WDR88: variants seen among roughly 807,000 people sequenced by gnomAD.
WDR88 encodes WD repeat domain 88.
WDR88 carries 40 observed loss-of-function variants against 46.8 expected under a neutral mutation model. That is an observed-to-expected ratio of 0.86 (90% confidence interval 0.66 to 1.11). The LOEUF (loss-of-function observed/expected upper bound fraction) is 1.11. WDR88 is among the 50% of genes most tolerant of loss of function. The probability of loss-of-function intolerance (pLI) is 0.00; values close to 1 mark genes in which losing one functional copy is unlikely to be tolerated. For missense variants in WDR88, 562 were observed against 602.4 expected, an observed-to-expected ratio of 0.93 and a Z score of 0.70; for synonymous variants, 235 against 240.7, an observed-to-expected ratio of 0.98 and a Z score of 0.22.
chr19:33,137,570 T>G (rs1599879305), intron 1 of WDR88, 107 bp from the exon 2 acceptor site: 1 of 1,050,648 alleles, frequency 9.5e-7, no homozygotes, highest in East Asian at 2.6e-5. Flanking sequence ...TTAAATTCAT[T>G]TTTTTCCGGG....
At chr19:33,162,550 C>T (rs572338961) in intron 8 of WDR88, among the ~76,000 whole-genome samples, 1 of 152,074 alleles carries the variant, frequency 6.6e-6, no homozygotes, top group Non-Finnish European at 1.5e-5. Flanking sequence ...AAACACCCCA[C>T]TCCTTCTCTG....
intron 4 of WDR88, 27 bp from the exon 5 acceptor site, chr19:33,148,745 A>C: frequency 6.2e-7 from 1 of 1,613,964 alleles, no homozygotes; most frequent in Non-Finnish European, 8.5e-7. Flanking sequence ...GGCTTAAAAC[A>C]ACCTTTTGAT....
In WDR88 at chr19:33,137,546, CT is replaced by C. The variant is rs1350649182; in HGVS notation, c.277-130del. ...GGGATTACAGACGTGAACCACCCCC[CT>C]GGCCAGAATTTTTTAAATTCATTTT... On this transcript the variant is annotated intron_variant, in intron 1 of 10. Transcript: ENST00000355868. 5 of 790,924 alleles carry C rather than the reference CT, an allele frequency of 6.3e-6. No individual in the cohort carries two copies. In the East Asian group the frequency reaches 1.2e-4, roughly 19 times the overall value. 49.0% of individuals were successfully genotyped at this position (790,924 alleles called of 1,614,324 possible).
Position 33,137,377 on chromosome 19 carries a change from C to T in WDR88, c.277-300C>T, listed in dbSNP as rs974580885. 4.6e-5 allele frequency among the ~76,000 whole-genome samples: 7 copies of T among 151,862 alleles called. No individual in the cohort carries two copies. The East Asian group carries it at 5.8e-4, about 13-fold the overall frequency. On this transcript the variant is annotated intron_variant, in intron 1 of 10. Coordinates refer to ENST00000355868, the MANE Select transcript of WDR88 (RefSeq NM_173479.4). ...CAAGTGATTCTCCTGCCTCAGCCTC[C>T]GAGTAGCTGGGATTATAGGCATGCG...
At chr19:33,132,656 C>T (rs865848699) in intron 1 of WDR88, among the ~76,000 whole-genome samples, 23 of 152,338 alleles carry the variant, frequency 1.5e-4, no homozygotes, top group Middle Eastern at 6.8e-3. Context: ...CGGGGGCTCC[C>T]CGCACTGCCA....
rs757943548 is a variant in WDR88, at chr19:33,175,586, C to A, written c.*14C>A. On this transcript the variant is annotated 3_prime_UTR_variant, in exon 11 of 11. Transcript: ENST00000355868. ...AAGGATGACTGACAGCCACAGGCCC[C>A]TTTGAGTGACTCCAGCACAGGCTAC... 5.0e-6 allele frequency: 8 copies of A among 1,613,752 alleles called. No homozygotes were observed. In the Admixed American group the frequency reaches 6.7e-5, roughly 13 times the overall value.
At chr19:33,156,656 C>A in intron 7 of WDR88, 114 bp downstream of exon 7, 2 of 1,224,700 alleles carry the variant, frequency 1.6e-6, no homozygotes, top group South Asian at 1.6e-5. Context: ...ACAGGGAGGG[C>A]GGATTCTTCC....
Position 33,148,882 on chromosome 19 carries a change from G to T in WDR88, c.651G>T (p.Glu217Asp), listed in dbSNP as rs574958369. 1.2e-6 allele frequency: 2 copies of T among 1,614,142 alleles called. No individual in the cohort carries two copies. Among genetic ancestry groups the T allele is most frequent in the African/African-American group, 2.7e-5 (2 of 75,036 alleles). Residue 217 changes from glutamate (E) to aspartate (D), a missense_variant, in exon 5 of 11, where the codon GAG (glutamate) becomes GAT (aspartate). Transcript: ENST00000355868. ...ATGGAATCTGCATAATGGACGCCGA[G>T]AACATCACCACCGTTTCCGTCATCA... ...VDHGICIMDAENITTVSVIKD... is the reference protein window; with the variant it reads ...VDHGICIMDADNITTVSVIKD...
intron 6 of WDR88, among the ~76,000 whole-genome samples, chr19:33,153,487 G>GAT (rs1973675110): frequency 6.6e-6 from 1 of 152,054 alleles, no homozygotes; most frequent in Non-Finnish European, 1.5e-5. Context: ...AACTGAAAAT[G>GAT]ATATAGCCCG....
chr19:33,151,367 A>C (rs12327849), intron 6 of WDR88, 57 bp downstream of exon 6: 638,750 of 1,571,936 alleles, frequency 0.41, 153,454 homozygotes, highest in African/African-American at 0.89. Flanking sequence ...CCCATTCATG[A>C]CTTCCTGAAT....
At chr19:33,150,644 C>T (rs900440690) in intron 5 of WDR88, among the ~76,000 whole-genome samples, 3 of 152,204 alleles carry the variant, frequency 2.0e-5, no homozygotes, top group South Asian at 2.1e-4. Flanking sequence ...TTCTTTTTAT[C>T]GATGTGGCAC....
intron 6 of WDR88, among the ~76,000 whole-genome samples, chr19:33,151,515 A>G (rs541403740): frequency 6.6e-6 from 1 of 152,226 alleles, no homozygotes; most frequent in Admixed American, 6.5e-5. Flanking sequence ...CATTTGTTTC[A>G]ATGTGAGCCA....
intron 9 of WDR88, among the ~76,000 whole-genome samples, chr19:33,166,086 G>A (rs1299249244): frequency 1.3e-5 from 2 of 150,770 alleles, no homozygotes; most frequent in African/African-American, 2.4e-5. Flanking sequence ...ATAGTGAGAC[G>A]CTATCTCTAC....
At chr19:33,141,766 T>A (rs901256740) in intron 2 of WDR88, among the ~76,000 whole-genome samples, 5 of 151,966 alleles carry the variant, frequency 3.3e-5, no homozygotes, top group African/African-American at 1.2e-4. Context: ...CTGCAACCTC[T>A]GCCTCCTGAG....
rs1302622164 is a variant in WDR88, at chr19:33,164,257, G to T, written c.1141G>T (p.Ala381Ser). ...ISNNKKWILS[A>S]SKDRTMRLWN... Reference sequence around the variant, plus strand: ...CAACAACAAGAAATGGATCCTGTCTGCTTCCAAGGTAAAAGTGGTCAAGCT... The same window carrying T: ...CAACAACAAGAAATGGATCCTGTCTTCTTCCAAGGTAAAAGTGGTCAAGCT... The change falls in exon 9 of 11, where the codon GCT becomes TCT. Residue 381 changes from alanine (A) to serine (S), a missense_variant. Transcript: ENST00000355868. 1.9e-6 allele frequency: 3 copies of T among 1,614,006 alleles called. No homozygotes were observed. Among genetic ancestry groups the T allele is most frequent in the Admixed American group, 3.3e-5 (2 of 60,024 alleles).
chr19:33,152,234 A>AAAATATATATATATAT (rs111944598), intron 6 of WDR88, among the ~76,000 whole-genome samples: 1 of 147,406 alleles, frequency 6.8e-6, no homozygotes, highest in African/African-American at 2.5e-5. Flanking sequence ...TCTGTCTCAA[A>AAAATATATATATATAT]ATATATATAT....
At chr19:33,146,432 TTTCCTTCCTTCC>T (rs146586878) in intron 3 of WDR88, among the ~76,000 whole-genome samples, 5 of 146,646 alleles carry the variant, frequency 3.4e-5, no homozygotes, top group Admixed American at 1.4e-4. Context: ...TTAGGTCCTA[TTTCCTTCCTTCC>T]TTCCTTCCTT....
intron 9 of WDR88, among the ~76,000 whole-genome samples, chr19:33,167,696 T>C (rs892988012): frequency 1.3e-5 from 2 of 151,170 alleles, no homozygotes; most frequent in Non-Finnish European, 2.9e-5. Flanking sequence ...TTCTGTCCTT[T>C]CTTTCTTCCT....
chr19:33,137,007 T>C (rs1301432505), intron 1 of WDR88, among the ~76,000 whole-genome samples: 1 of 152,012 alleles, frequency 6.6e-6, no homozygotes, highest in Non-Finnish European at 1.5e-5. Flanking sequence ...CATAGCTCAC[T>C]GTAACGTTAA....
Sources: allele counts gnomAD v4.1 joint callset (sites outside exome capture counted in the v4.1 genomes callset), GRCh38; gene constraint gnomAD v4.1.1; transcripts MANE v1.5; gene names NCBI Gene and HGNC (gene_info 2026-07-23, HGNC 2026-07-21).